The following MAF variants were observed in gnomAD, a reference collection of about 807,000 sequenced individuals.
MAF encodes the protein MAF bZIP transcription factor, also known as transcription factor Maf.
A neutral mutation model predicts 22.0 loss-of-function variants in MAF; 10 were observed. That is an observed-to-expected ratio of 0.45 (90% CI 0.28 to 0.77). The LOEUF is 0.77. MAF is among the 30% of genes least tolerant of loss of function. The probability of loss-of-function intolerance (pLI) is 0.12; values close to 1 mark genes in which losing one functional copy is unlikely to be tolerated. For synonymous variants in MAF, 337 were observed against 255.8 expected, an observed-to-expected ratio of 1.32 and a Z score of -3.03; for missense variants, 544 against 548.4, an observed-to-expected ratio of 0.99 and a Z score of 0.08.
chr16:79,450,524 CT>C, the MAF span, among the ~76,000 whole-genome samples: 1 of 152,204 alleles, frequency 6.6e-6, no homozygotes, highest in Non-Finnish European at 1.5e-5. Flanking sequence ...CCCCAACCCC[CT>C]GGCCTGATAG....
At chr16:79,449,687 A>G in the MAF span, among the ~76,000 whole-genome samples, 4 of 152,212 alleles carry the variant, frequency 2.6e-5, no homozygotes. Flanking sequence ...GTGATGTTCC[A>G]GAAGTTTTTC....
the MAF span, among the ~76,000 whole-genome samples, chr16:79,428,096 T>TAAA: frequency 0.37 from 37,872 of 103,736 alleles, 7,349 homozygotes; most frequent in East Asian, 0.77. Flanking sequence ...CGACTCAAAT[T>TAAA]AAAAAAAAAA....
At chr16:79,433,405 T>G in the MAF span, among the ~76,000 whole-genome samples, 1 of 151,908 alleles carries the variant, frequency 6.6e-6, no homozygotes, top group Admixed American at 6.6e-5. Flanking sequence ...TTGTGTTGTC[T>G]TTTTGCCTTG....
chr16:79,250,050 ATT>A, the MAF span, among the ~76,000 whole-genome samples: 1 of 152,134 alleles, frequency 6.6e-6, no homozygotes, highest in Non-Finnish European at 1.5e-5. Context: ...TGATCTCATT[ATT>A]TTATTTTGAA....
At chr16:79,241,603 A>G in the MAF span, among the ~76,000 whole-genome samples, 1 of 152,116 alleles carries the variant, frequency 6.6e-6, no homozygotes, top group Non-Finnish European at 1.5e-5. Context: ...AATGGAACCA[A>G]GTTGGAAAAC....
chr16:79,269,796 G>T, the MAF span, among the ~76,000 whole-genome samples: 2 of 152,086 alleles, frequency 1.3e-5, no homozygotes, highest in African/African-American at 4.8e-5. Context: ...GGAAGCAAAG[G>T]AATGTAATGA....
chr16:79,491,621 C>T, the MAF span, among the ~76,000 whole-genome samples: 5 of 152,168 alleles, frequency 3.3e-5, no homozygotes, highest in South Asian at 8.3e-4. Context: ...TGCACTGCTG[C>T]TATGCCCAGA....
At chr16:79,426,639 T>C in the MAF span, among the ~76,000 whole-genome samples, 11 of 152,190 alleles carry the variant, frequency 7.2e-5, no homozygotes, top group African/African-American at 2.2e-4. Flanking sequence ...CGAACCAACA[T>C]TGGTGAGTCC....
chr16:79,313,556 T>C, the MAF span, among the ~76,000 whole-genome samples: 1 of 152,172 alleles, frequency 6.6e-6, no homozygotes, highest in Admixed American at 6.5e-5. Flanking sequence ...ACACTCTGAA[T>C]CTTAAGAGTC....
the MAF span, among the ~76,000 whole-genome samples, chr16:79,255,075 C>G: frequency 6.6e-6 from 1 of 152,170 alleles, no homozygotes; most frequent in Admixed American, 6.5e-5. Flanking sequence ...TTTTATGTCT[C>G]CTGAAAACGT....
chr16:79,310,299 G>T, the MAF span, among the ~76,000 whole-genome samples: 3 of 152,142 alleles, frequency 2.0e-5, no homozygotes, highest in South Asian at 6.2e-4. Flanking sequence ...AACTAAGAAA[G>T]AAGTCATCTA....
the MAF span, among the ~76,000 whole-genome samples, chr16:79,540,802 T>C: frequency 6.6e-6 from 1 of 152,176 alleles, no homozygotes; most frequent in Non-Finnish European, 1.5e-5. Flanking sequence ...AAAACAGCTA[T>C]CTTAGGGTTA....
chr16:79,433,067 T>C, the MAF span, among the ~76,000 whole-genome samples: 2 of 152,104 alleles, frequency 1.3e-5, no homozygotes, highest in African/African-American at 4.8e-5. Flanking sequence ...CACGTCCACA[T>C]CATGTGATTC....
the MAF span, among the ~76,000 whole-genome samples, chr16:79,321,220 G>A: frequency 6.6e-6 from 1 of 152,180 alleles, no homozygotes; most frequent in Non-Finnish European, 1.5e-5. Context: ...CGCAGTCTTG[G>A]GAGGTGTCGG....
chr16:79,538,319 G>C, the MAF span, among the ~76,000 whole-genome samples: 2 of 152,156 alleles, frequency 1.3e-5, no homozygotes, highest in Non-Finnish European at 2.9e-5. Context: ...GAGAAAGGAA[G>C]GCTTCTTTTG....
the MAF span, among the ~76,000 whole-genome samples, chr16:79,503,478 A>G: frequency 6.6e-6 from 1 of 152,248 alleles, no homozygotes; most frequent in South Asian, 2.1e-4. Context: ...AGCCACTATC[A>G]TCCCCAGTTT....
the MAF span, among the ~76,000 whole-genome samples, chr16:79,360,503 G>A: frequency 6.6e-6 from 1 of 152,220 alleles, no homozygotes; most frequent in African/African-American, 2.4e-5. Flanking sequence ...ACTTGCAGGT[G>A]ATGACACTAC....
the MAF span, among the ~76,000 whole-genome samples, chr16:79,429,857 AC>A: frequency 2.0e-5 from 3 of 151,870 alleles, no homozygotes; most frequent in Non-Finnish European, 2.9e-5. Context: ...CTCCAGCCTA[AC>A]CCCCCAGGAA....
At chr16:79,220,370 G>C in the MAF span, among the ~76,000 whole-genome samples, 1 of 151,772 alleles carries the variant, frequency 6.6e-6, no homozygotes, top group South Asian at 2.1e-4. Flanking sequence ...GAACCAACTA[G>C]TGTAAATACT....
Sources: allele counts gnomAD v4.1 joint callset (sites outside exome capture counted in the v4.1 genomes callset), GRCh38; gene constraint gnomAD v4.1.1; transcripts MANE v1.5; gene names NCBI Gene and HGNC (gene_info 2026-07-23, HGNC 2026-07-21).